ICE1: variants seen among roughly 807,000 people sequenced by gnomAD.
The protein encoded by ICE1 is little elongation complex subunit 1.
A neutral mutation model predicts 192.7 loss-of-function variants in ICE1; 64 were observed. The observed-to-expected ratio is 0.33, with a 90% CI of 0.27 to 0.41. ICE1 has a LOEUF of 0.41. Ranked by LOEUF, ICE1 falls within the 10% of genes least tolerant of loss-of-function variation. ICE1 has a pLI of 1.00. For missense variants in ICE1, 2,708 were observed against 2,696.0 expected, an observed-to-expected ratio of 1.00 and a Z score of -0.10; for synonymous variants, 1,010 against 984.5, an observed-to-expected ratio of 1.03 and a Z score of -0.49.
intron 7 of ICE1, among the ~76,000 whole-genome samples, chr5:5,445,546 C>A (rs2111353383): frequency 6.6e-6 from 1 of 152,010 alleles, no homozygotes; most frequent in South Asian, 2.1e-4. Flanking sequence ...TTTCTCCCAC[C>A]TCAGCCTCCC....
Position 5,462,277 on chromosome 5 carries a change from G to T in ICE1, c.2943G>T (p.Gly981=). The change falls in exon 13 of 19, where the codon GGG becomes GGT. Residue 981 remains glycine (G), a synonymous_variant. Transcript: ENST00000296564. The stretch of plus-strand genomic sequence containing the variant: ...GAGAAGCTGCAGTGCAGGGAGATGG[G>T]CAGAAGCAAAGGCAGCCTCAGGCCA... ...IVREAAVQGD[G]QKQRQPQATD... is the part of the protein sequence containing the mutation. 6.2e-7 allele frequency: 1 copy of T among 1,613,424 alleles called. No individual in the cohort carries two copies. Among genetic ancestry groups the T allele is most frequent in the Non-Finnish European group, 8.5e-7 (1 of 1,179,602 alleles).
Position 5,439,878 on chromosome 5 carries a change from T to G in ICE1, c.179-17T>G, listed in dbSNP as rs1561076647. On this transcript the variant is annotated splice_polypyrimidine_tract_variant and intron_variant, in intron 3 of 18. Transcript: ENST00000296564. ...TCAGAAGATAAAATTCTCAGAGTTTTCTTTAATAAGTTTTACAGCTGCAGT... is the reference window on the plus strand; with the variant it reads ...TCAGAAGATAAAATTCTCAGAGTTTGCTTTAATAAGTTTTACAGCTGCAGT... 5.2e-6 allele frequency: 8 copies of G among 1,528,760 alleles called. No individual in the cohort carries two copies. Among genetic ancestry groups the G allele is most frequent in the Non-Finnish European group, 7.1e-6 (8 of 1,133,892 alleles). 94.7% of individuals were successfully genotyped at this position (1,528,760 alleles called of 1,614,324 possible). A position where few individuals can be genotyped will look rare whatever the true frequency, so the allele number is the denominator to read the frequency against.
At chr5:5,437,015 A>G (rs1453366336) in intron 2 of ICE1, 65 bp from the exon 3 acceptor site, 6 of 1,063,834 alleles carry the variant, frequency 5.6e-6, no homozygotes, top group Non-Finnish European at 7.0e-6. Flanking sequence ...GGATTGAAAC[A>G]TAATTTTAAC....
intron 6 of ICE1, 105 bp downstream of exon 6, chr5:5,443,349 C>T: frequency 1.7e-6 from 1 of 604,984 alleles, no homozygotes; most frequent in Non-Finnish European, 2.7e-6. Flanking sequence ...GATTTCTTGG[C>T]CATAATTAGC....
chr5:5,422,736 C>G lies in ICE1; in HGVS notation c.-180C>G, dbSNP rs1737341942. On this transcript the variant is annotated 5_prime_UTR_variant, in exon 1 of 19. Coordinates refer to ENST00000296564, the MANE Select transcript of ICE1 (RefSeq NM_015325.3). Reference sequence around the variant, plus strand: ...CGTTTCTTTTTAGTGCCTGAGGCAGCTCTGGCTCGGAGAGCCTTTTGCTAG... The same window carrying G: ...CGTTTCTTTTTAGTGCCTGAGGCAGGTCTGGCTCGGAGAGCCTTTTGCTAG... 8.0e-6 allele frequency: 3 copies of G among 373,354 alleles called. No individual in the cohort carries two copies. The highest frequency in any genetic ancestry group is 4.0e-5 in the East Asian group (1 of 24,842). The allele number at this position is 373,354 out of a possible 1,614,324, so 23.1% of individuals were successfully genotyped here. A position where few individuals can be genotyped will look rare whatever the true frequency, so the allele number is the denominator to read the frequency against.
At chr5:5,454,825 C>T (rs1293838671) in intron 11 of ICE1, among the ~76,000 whole-genome samples, 187 bp downstream of exon 11, 2 of 151,982 alleles carry the variant, frequency 1.3e-5, no homozygotes, top group East Asian at 1.9e-4. Context: ...CCAGTAAATA[C>T]ATTTAGCTTT....
intron 1 of ICE1, among the ~76,000 whole-genome samples, chr5:5,423,395 C>T (rs776162955): frequency 6.6e-6 from 1 of 151,858 alleles, no homozygotes. Context: ...TCTGGCCCAT[C>T]CTGAGTATTT....
intron 18 of ICE1, among the ~76,000 whole-genome samples, chr5:5,487,282 G>A (rs773171841): frequency 5.3e-5 from 8 of 152,180 alleles, no homozygotes; most frequent in Non-Finnish European, 1.2e-4. Context: ...GCAAGGCTTC[G>A]TAGTGGGGAT....
intron 3 of ICE1, among the ~76,000 whole-genome samples, chr5:5,438,072 T>A (rs1056341687): frequency 4.6e-5 from 7 of 151,936 alleles, no homozygotes; most frequent in African/African-American, 1.7e-4. Context: ...TGACTCAGAG[T>A]TCTGCATGGC....
chr5:5,471,922 GTGACTTCC>G (rs1294729582), intron 15 of ICE1, among the ~76,000 whole-genome samples: 2 of 152,120 alleles, frequency 1.3e-5, no homozygotes, highest in Non-Finnish European at 2.9e-5. Context: ...ATATGTAGAA[GTGACTTCC>G]TGGTTTAAAT....
intron 10 of ICE1, 54 bp from the exon 11 acceptor site, chr5:5,454,498 C>CT (rs1431205491): frequency 8.1e-7 from 1 of 1,239,936 alleles, no homozygotes; most frequent in Admixed American, 1.8e-5. Context: ...ATGTTCTGGC[C>CT]TTGTGTACGG....
At chr5:5,481,986 C>G (rs1273111371) in intron 17 of ICE1, among the ~76,000 whole-genome samples, 1 of 152,204 alleles carries the variant, frequency 6.6e-6, no homozygotes, top group Non-Finnish European at 1.5e-5. Context: ...AAAATGTGGT[C>G]TCCTGACTAA....
chr5:5,437,129 G>T lies in ICE1; in HGVS notation c.178+15G>T. ...GAAATGTGATGATATCCTTTTACTG[G>T]CTTTTTCTGTTGAGTTTTGGAACTA... is the stretch of plus-strand genomic sequence containing the variant. On this transcript the variant is annotated intron_variant, in intron 3 of 18. Coordinates refer to ENST00000296564, the MANE Select transcript of ICE1 (RefSeq NM_015325.3). 6.5e-7 allele frequency: 1 copy of T among 1,530,554 alleles called. No homozygotes were observed. The highest frequency in any genetic ancestry group is 8.9e-7 in the Non-Finnish European group (1 of 1,123,676). 94.8% of individuals were successfully genotyped at this position (1,530,554 alleles called of 1,614,324 possible).
chr5:5,483,384 C>G (rs556114376), intron 17 of ICE1, among the ~76,000 whole-genome samples: 1 of 152,136 alleles, frequency 6.6e-6, no homozygotes, highest in Non-Finnish European at 1.5e-5. Context: ...GTGAGACTTG[C>G]GTTATCTAAT....
At chr5:5,431,656 G>GT (rs1482384446) in intron 1 of ICE1, among the ~76,000 whole-genome samples, 13 of 152,258 alleles carry the variant, frequency 8.5e-5, no homozygotes, top group African/African-American at 2.9e-4. Context: ...GATTCTTTGT[G>GT]TATCACTTGA....
rs1020016746 is a variant in ICE1, at chr5:5,449,066, A to G, written c.604+1169A>G. On this transcript the variant is annotated intron_variant, in intron 10 of 18. Coordinates refer to ENST00000296564, the MANE Select transcript of ICE1 (RefSeq NM_015325.3). ...AATTCAGCTATTCCCAAGCCTTACT[A>G]TTCAAAGCAGAACCCTTCTGTCTTC... 4.0e-5 allele frequency among the ~76,000 whole-genome samples: 6 copies of G among 151,720 alleles called. No homozygotes were observed. The East Asian group carries it at 1.2e-3, about 29-fold the overall frequency.
intron 1 of ICE1, among the ~76,000 whole-genome samples, chr5:5,435,913 G>A (rs775561093): frequency 6.6e-6 from 1 of 151,870 alleles, no homozygotes; most frequent in African/African-American, 2.4e-5. Context: ...CAGGTAATCC[G>A]CCTCAGCCTC....
At chr5:5,486,188 C>T (rs1486241144) in intron 17 of ICE1, among the ~76,000 whole-genome samples, 1 of 152,150 alleles carries the variant, frequency 6.6e-6, no homozygotes, top group Non-Finnish European at 1.5e-5. Context: ...TGAGTGTGAG[C>T]ACCTGGCAGT....
chr5:5,476,560 T>C (rs1739317952), intron 17 of ICE1, among the ~76,000 whole-genome samples: 1 of 152,128 alleles, frequency 6.6e-6, no homozygotes, highest in Non-Finnish European at 1.5e-5. Flanking sequence ...TAGGGAGCTT[T>C]CAGTCATGGT....
Sources: gnomAD v4.1 joint callset for allele counts (sites outside exome capture counted in the v4.1 genomes callset) on GRCh38, gnomAD v4.1.1 for gene constraint, MANE v1.5 for transcripts, NCBI Gene and HGNC (gene_info 2026-07-23, HGNC 2026-07-21) for gene names.